Variants in NPFFR1 observed in about 807,000 individuals in gnomAD.
NPFFR1 encodes neuropeptide FF receptor 1.
A neutral mutation model predicts 12.7 loss-of-function variants in NPFFR1; 17 were observed. The ratio of observed to expected loss-of-function variants is 1.34; its 90% CI spans 0.92 to 2.01. The LOEUF is 2.01. Among genes scored for constraint, NPFFR1 ranks in the 30% most tolerant of loss-of-function variants. The pLI is 0.00. For missense variants in NPFFR1, 604 were observed against 606.5 expected, an observed-to-expected ratio of 1.00 and a Z score of 0.04; for synonymous variants, 296 against 264.5, an observed-to-expected ratio of 1.12 and a Z score of -1.16.
In NPFFR1 at chr10:70,255,779, C is replaced by T. The variant is rs1840564133; in HGVS notation, c.471G>A (p.Lys157=). 1 of 1,611,696 alleles carries T rather than the reference C, an allele frequency of 6.2e-7. No homozygotes were observed. Among genetic ancestry groups the T allele is most frequent in the Non-Finnish European group, 8.5e-7 (1 of 1,179,062 alleles). Residue 157 remains lysine, a synonymous_variant, in exon 4 of 4, where the codon AAG becomes AAA. Coordinates refer to ENST00000277942, the MANE Select transcript of NPFFR1 (RefSeq NM_022146.5). This position sits in a 1 kb window ranked among gnomAD's most constrained non-coding sequence, Gnocchi z 4.2. ...AGATGACGGCGATGGTGACGAGCGC[C>T]TTCCGCAGGGTCAGCTTCTCGCGGA... ...HPFREKLTLR[K]ALVTIAVIWA...
At chr10:70,260,804 C>G (rs958894544) in intron 2 of NPFFR1, 65 bp from the exon 3 acceptor site, 1 of 1,387,448 alleles carries the variant, frequency 7.2e-7, no homozygotes, top group Non-Finnish European at 1.0e-6. Flanking sequence ...AGACTGAAAG[C>G]CCTCCAAGCC....
intron 1 of NPFFR1, 51 bp downstream of exon 1, chr10:70,283,619 C>T (rs1840884862): frequency 6.6e-6 from 10 of 1,508,816 alleles, no homozygotes; most frequent in African/African-American, 1.4e-5. Flanking sequence ...CCCCATGCCC[C>T]GGAGTCGGTA....
chr10:70,266,193 A>G lies in NPFFR1; in HGVS notation c.206T>C (p.Leu69Pro), dbSNP rs1039698545. ...GACAGTATGCATGTGCCGGTTCTTG[A>G]GCACGATGAAACAGACCAGGGTGTT... Reference protein sequence around the residue: ...VGNTLVCFIVLKNRHMHTVTN... With the variant: ...VGNTLVCFIVPKNRHMHTVTN... The change falls in exon 2 of 4, where the codon CTC becomes CCC. Residue 69 changes from leucine to proline, a missense_variant. By Grantham distance (98) the Leu-to-Pro change is moderately conservative. Transcript: ENST00000277942. The G allele has an allele frequency of 6.2e-7, 1 of 1,614,036 alleles. No individual in the cohort carries two copies. The highest frequency in any genetic ancestry group is 8.5e-7 in the Non-Finnish European group (1 of 1,179,904).
intron 2 of NPFFR1, among the ~76,000 whole-genome samples, chr10:70,263,006 T>C (rs533051266): frequency 6.6e-6 from 1 of 152,024 alleles, no homozygotes; most frequent in Non-Finnish European, 1.5e-5. Flanking sequence ...AAAACAAAAA[T>C]TAAAAATAAA....
chr10:70,279,149 A>T (rs1840833804), intron 1 of NPFFR1, among the ~76,000 whole-genome samples: 4 of 152,100 alleles, frequency 2.6e-5, no homozygotes, highest in Admixed American at 2.0e-4. Flanking sequence ...TTTAAGTAAG[A>T]TTCAATCTTT....
Position 70,282,194 on chromosome 10 carries a change from C to T in NPFFR1, c.7+1476G>A, listed in dbSNP as rs80321763. Among the ~76,000 whole-genome samples the T allele has an allele frequency of 8.4e-3, 1,273 of 152,202 alleles. 22 individuals are homozygous for T. Among genetic ancestry groups the T allele is most frequent in the African/African-American group, 0.029 (1,223 of 41,516 alleles). ...AGGTAACTTGATGTCTTCTTCCTATCGCTTGACTATCTTGGGTCTCTATTT... is the reference window on the plus strand; with the variant it reads ...AGGTAACTTGATGTCTTCTTCCTATTGCTTGACTATCTTGGGTCTCTATTT... On this transcript the variant is annotated intron_variant, in intron 1 of 3. Transcript: ENST00000277942.
chr10:70,269,551 C>T (rs1840728574), intron 1 of NPFFR1, among the ~76,000 whole-genome samples: 2 of 150,580 alleles, frequency 1.3e-5, no homozygotes, highest in Admixed American at 6.6e-5. Context: ...TGATCTGTTG[C>T]CCAGACTGGA....
chr10:70,259,437 G>A (rs1333528348), intron 3 of NPFFR1, among the ~76,000 whole-genome samples: 1 of 152,200 alleles, frequency 6.6e-6, no homozygotes. Context: ...TGGATGAGGT[G>A]GGACTTGAAG....
rs903796608 is a variant in NPFFR1 at position 70,247,392 on chromosome 10, C to T, written c.*7565G>A. The T allele has an allele frequency of 7.2e-5, 11 of 152,180 alleles. No homozygotes were observed. The highest frequency in any genetic ancestry group is 2.4e-4 in the African/African-American group (10 of 41,422). 9.4% of individuals were successfully genotyped at this position (152,180 alleles called of 1,614,324 possible). ...AGGTAACAGAATCATTTTGCAAAGA[C>T]ACGGACTAGAGAAGAATAAAAGAGG... On this transcript the variant is annotated 3_prime_UTR_variant, in exon 4 of 4. Coordinates refer to ENST00000277942, the MANE Select transcript of NPFFR1 (RefSeq NM_022146.5).
intron 1 of NPFFR1, among the ~76,000 whole-genome samples, chr10:70,274,091 C>T (rs948815082): frequency 1.3e-5 from 2 of 152,168 alleles, no homozygotes; most frequent in African/African-American, 4.8e-5. Flanking sequence ...GGAAAGGACA[C>T]TGACCTGGGA....
chr10:70,268,174 C>T (rs777013486), intron 1 of NPFFR1, among the ~76,000 whole-genome samples: 1 of 152,150 alleles, frequency 6.6e-6, no homozygotes, highest in Non-Finnish European at 1.5e-5. Context: ...CATATCCCCA[C>T]TTCTCTTTGG....
rs780000942 is a variant in NPFFR1 at position 70,255,510 on chromosome 10, G to A, written c.740C>T (p.Pro247Leu). 1.4e-5 allele frequency: 21 copies of A among 1,547,844 alleles called. No homozygotes were observed. Among genetic ancestry groups the A allele is most frequent in the African/African-American group, 1.4e-5 (1 of 72,928 alleles). The change falls in exon 4 of 4, where the codon CCG becomes CTG. Residue 247 changes from proline (P) to leucine (L), a missense_variant. Coordinates refer to ENST00000277942, the MANE Select transcript of NPFFR1 (RefSeq NM_022146.5). This position sits in a 1 kb window ranked among gnomAD's most constrained non-coding sequence, Gnocchi z 4.2. ...ARIARKLCQA[P>L]GPAPGGEEAA... ...CTCCTCGCCCCCGGGGGCCGGGCCC[G>A]GGGCCTGGCAGAGCTTGCGCGCGAT...
At chr10:70,256,186 CT>C (rs1840571366) in intron 3 of NPFFR1, among the ~76,000 whole-genome samples, 1 of 151,824 alleles carries the variant, frequency 6.6e-6, no homozygotes, top group Non-Finnish European at 1.5e-5. Context: ...TGATCCTCTC[CT>C]CCCACCTCAG....
chr10:70,258,092 A>T (rs890308980), intron 3 of NPFFR1, among the ~76,000 whole-genome samples: 1 of 152,204 alleles, frequency 6.6e-6, no homozygotes, highest in African/African-American at 2.4e-5. Flanking sequence ...CTTGGTATGC[A>T]GAGCACCGGT....
intron 1 of NPFFR1, among the ~76,000 whole-genome samples, chr10:70,275,562 G>A (rs555761714): frequency 1.3e-5 from 2 of 151,968 alleles, no homozygotes; most frequent in Non-Finnish European, 2.9e-5. Context: ...CACATTTCAC[G>A]TCCTGCTTCA....
intron 1 of NPFFR1, among the ~76,000 whole-genome samples, chr10:70,267,601 C>T (rs188410066): frequency 2.6e-4 from 39 of 152,256 alleles, no homozygotes; most frequent in Non-Finnish European, 4.0e-4. Flanking sequence ...AGGCTTGCTT[C>T]GAAGGGAAGG....
In NPFFR1 at chr10:70,255,193, A is replaced by ACGGGCGCGGGCAGAGG. The variant is rs762517484; in HGVS notation, c.1041_1056dup (p.Ser353ProfsTer39). ...GAGTAGGCCTCCTTGTGGCTCCCCG[A>ACGGGCGCGGGCAGAGG]CGGGCGCGGGCAGAGGCGGGCGCGG... On this transcript the variant is annotated frameshift_variant, in exon 4 of 4. Coordinates refer to ENST00000277942, the MANE Select transcript of NPFFR1 (RefSeq NM_022146.5). LOFTEE classifies it low-confidence loss of function (END_TRUNC). The surrounding 1 kb of genome is among the most constrained non-coding windows in gnomAD (Gnocchi z 4.2). The ACGGGCGCGGGCAGAGG allele has an allele frequency of 2.3e-5, 35 of 1,551,150 alleles. No homozygotes were observed. The East Asian group carries it at 7.5e-4, about 33-fold the overall frequency.
chr10:70,283,238 T>TCA (rs139594233), intron 1 of NPFFR1, among the ~76,000 whole-genome samples: 9 of 141,600 alleles, frequency 6.4e-5, no homozygotes, highest in South Asian at 2.3e-4. Flanking sequence ...TCTCTCTCTC[T>TCA]CACACACACA....
In NPFFR1 at chr10:70,255,546, A is replaced by C. The variant is rs746284924; in HGVS notation, c.704T>G (p.Met235Arg). The part of the protein sequence containing the change: ...YLAPLALIVV[M>R]YARIARKLCQ... ...GAGCTTGCGCGCGATGCGGGCGTAC[A>C]TGACCACGATGAGCGCCAGCGGCGC... The change falls in exon 4 of 4, where the codon ATG becomes AGG. Residue 235 changes from methionine to arginine, a missense_variant. By Grantham distance (91) the Met-to-Arg change is moderately conservative (BLOSUM62 -1). Transcript: ENST00000277942. The surrounding 1 kb of genome is among the most constrained non-coding windows in gnomAD (Gnocchi z 4.2). 5.2e-6 allele frequency: 8 copies of C among 1,550,440 alleles called. No homozygotes were observed. Among genetic ancestry groups the C allele is most frequent in the East Asian group, 4.9e-5 (2 of 40,882 alleles).
Sources: gnomAD v4.1 joint callset for allele counts (sites outside exome capture counted in the v4.1 genomes callset) on GRCh38, gnomAD v4.1.1 for gene constraint, Gnocchi (gnomAD v3.1) non-coding constraint, MANE v1.5 for transcripts, NCBI Gene and HGNC (gene_info 2026-07-23, HGNC 2026-07-21) for gene names.